Variants in RTN1 observed in about 807,000 individuals in gnomAD.
The protein encoded by RTN1 is reticulon 1.
A neutral mutation model predicts 65.5 loss-of-function variants in RTN1; 25 were observed. That is an observed-to-expected ratio of 0.38 (90% CI 0.28 to 0.53). RTN1 has a LOEUF of 0.53. Ranked by LOEUF, RTN1 falls within the 20% of genes least tolerant of loss-of-function variation. RTN1 has a pLI of 0.79. For synonymous variants in RTN1, 471 were observed against 447.6 expected (o/e 1.05, Z -0.66); for missense variants, 983 against 1,025.4 (o/e 0.96, Z 0.57).
At chr14:59,750,065 TTA>T (rs1885416856) in intron 1 of RTN1, among the ~76,000 whole-genome samples, 1 of 27,148 alleles carries the variant, frequency 3.7e-5, no homozygotes, top group Non-Finnish European at 6.3e-5. Context: ...TATACATATA[TTA>T]TATATTATAT....
chr14:59,689,628 A>G (rs1013729461), intron 3 of RTN1, among the ~76,000 whole-genome samples: 1 of 152,206 alleles, frequency 6.6e-6, no homozygotes, highest in African/African-American at 2.4e-5. Flanking sequence ...AACCTTACAA[A>G]CCAGGAAAGA....
intron 1 of RTN1, among the ~76,000 whole-genome samples, chr14:59,750,066 T>TATATATTATATTATATAC (rs1566713019): frequency 2.3e-4 from 8 of 34,902 alleles, no homozygotes; most frequent in African/African-American, 1.1e-3. Context: ...ATACATATAT[T>TATATATTATATTATATAC]ATATATTATA....
chr14:59,631,602 A>G (rs972664606), intron 3 of RTN1, among the ~76,000 whole-genome samples: 3 of 152,252 alleles, frequency 2.0e-5, no homozygotes, highest in Non-Finnish European at 4.4e-5. Context: ...CCTGCTTTTT[A>G]AATCTTACCA....
At chr14:59,837,854 G>A (rs1566743229) in intron 1 of RTN1, among the ~76,000 whole-genome samples, 1 of 151,956 alleles carries the variant, frequency 6.6e-6, no homozygotes, top group Non-Finnish European at 1.5e-5. Flanking sequence ...TTGAAAAAAT[G>A]CTAATGATCA....
intron 1 of RTN1, among the ~76,000 whole-genome samples, chr14:59,753,431 T>C (rs1040011622): frequency 6.6e-6 from 1 of 152,194 alleles, no homozygotes; most frequent in Admixed American, 6.6e-5. Flanking sequence ...ACATTTTAGA[T>C]GGGATCGTAT....
At chr14:59,603,543 C>T (rs111738306) in intron 6 of RTN1, among the ~76,000 whole-genome samples, 9,109 of 151,116 alleles carry the variant, frequency 0.06, 356 homozygotes, top group Non-Finnish European at 0.087. Context: ...AAAATGAATC[C>T]ATCCATAGCT....
At chr14:59,672,489 G>T (rs1260058198) in intron 3 of RTN1, among the ~76,000 whole-genome samples, 4 of 152,000 alleles carry the variant, frequency 2.6e-5, no homozygotes. Context: ...ACATCATATG[G>T]CAAATTTCAA....
intron 3 of RTN1, among the ~76,000 whole-genome samples, chr14:59,618,056 A>G (rs889265820): frequency 2.7e-5 from 4 of 145,834 alleles, no homozygotes; most frequent in African/African-American, 1.1e-4. Context: ...AACTAACTCC[A>G]TCTTGCTTCT....
intron 1 of RTN1, among the ~76,000 whole-genome samples, chr14:59,785,268 A>G (rs553466840): frequency 1.3e-5 from 2 of 152,310 alleles, no homozygotes; most frequent in South Asian, 4.2e-4. Context: ...TAATTCATGA[A>G]ACTCATCAGT....
rs1886013260 is a variant in RTN1 at position 59,774,382 on chromosome 14, A to G, written c.242-27901T>C. 6.6e-6 allele frequency among the ~76,000 whole-genome samples: 1 copy of G among 152,152 alleles called. No homozygotes were observed. The highest frequency in any genetic ancestry group is 1.9e-4 in the East Asian group (1 of 5,200). ...TATAGATTATTATAATTTGGCTCTG[A>G]AGGGTTGGTTTCTTTCAACTTCTGC... On this transcript the variant is annotated intron_variant, in intron 1 of 8. Coordinates refer to ENST00000267484, the MANE Select transcript of RTN1 (RefSeq NM_021136.3). The surrounding 1 kb of genome is among the most constrained non-coding windows in gnomAD (Gnocchi z 5.1).
intron 3 of RTN1, among the ~76,000 whole-genome samples, chr14:59,673,053 A>T (rs1307278741): frequency 6.6e-6 from 1 of 151,986 alleles, no homozygotes; most frequent in Non-Finnish European, 1.5e-5. Context: ...TTCAACTTTC[A>T]TTTTTTAAAT....
chr14:59,682,146 A>G (rs1490478456), intron 3 of RTN1, among the ~76,000 whole-genome samples: 2 of 152,096 alleles, frequency 1.3e-5, no homozygotes, highest in African/African-American at 4.8e-5. Flanking sequence ...AGAAAAATGG[A>G]ATTATCCTAA....
chr14:59,771,301 C>T (rs568203420), intron 1 of RTN1, among the ~76,000 whole-genome samples: 2 of 152,178 alleles, frequency 1.3e-5, no homozygotes, highest in African/African-American at 4.8e-5. Flanking sequence ...GGGTCATCAG[C>T]TGACTTCTAA....
intron 1 of RTN1, among the ~76,000 whole-genome samples, chr14:59,833,760 G>C (rs1887167229): frequency 6.6e-6 from 1 of 152,012 alleles, no homozygotes; most frequent in South Asian, 2.1e-4. Context: ...GAATATGCAG[G>C]CTCTAGTAAA....
intron 1 of RTN1, among the ~76,000 whole-genome samples, chr14:59,817,067 CACTT>C: frequency 6.6e-6 from 1 of 152,060 alleles, no homozygotes; most frequent in East Asian, 1.9e-4. Context: ...TCTTAAAAAA[CACTT>C]AATGCAGCTT....
At chr14:59,824,779 T>C (rs1360149278) in intron 1 of RTN1, among the ~76,000 whole-genome samples, 4 of 152,226 alleles carry the variant, frequency 2.6e-5, no homozygotes, top group African/African-American at 9.6e-5. Context: ...TTTTAATATC[T>C]TATTTGCCAA....
intron 3 of RTN1, among the ~76,000 whole-genome samples, chr14:59,707,981 G>A (rs528716091): frequency 6.5e-4 from 99 of 152,312 alleles, no homozygotes; most frequent in African/African-American, 2.2e-3. Flanking sequence ...TACAGCAGAT[G>A]GCACTAAAAT....
At chr14:59,834,632 T>A (rs755704337) in intron 1 of RTN1, among the ~76,000 whole-genome samples, 2 of 152,068 alleles carry the variant, frequency 1.3e-5, no homozygotes, top group Non-Finnish European at 2.9e-5. Context: ...GCAAGTGGCA[T>A]AGAAAAATCT....
At chr14:59,757,184 G>C (rs1014551787) in intron 1 of RTN1, among the ~76,000 whole-genome samples, 1 of 152,094 alleles carries the variant, frequency 6.6e-6, no homozygotes, top group Non-Finnish European at 1.5e-5. Flanking sequence ...TAGGAGATGG[G>C]ACCTTTGGGA....
Sources: gnomAD v4.1 joint callset for allele counts (sites outside exome capture counted in the v4.1 genomes callset) on GRCh38, gnomAD v4.1.1 for gene constraint, Gnocchi (gnomAD v3.1) non-coding constraint, MANE v1.5 for transcripts, NCBI Gene and HGNC (gene_info 2026-07-23, HGNC 2026-07-21) for gene names.